Variants in ZNF804B observed in about 807,000 individuals in gnomAD.
ZNF804B encodes zinc finger 804B.
ZNF804B carries 80 observed loss-of-function variants against 101.4 expected under a neutral mutation model. The ratio of observed to expected loss-of-function variants is 0.79; its 90% CI spans 0.66 to 0.95. The LOEUF is 0.95. Among genes scored for constraint, ZNF804B ranks in the 40% least tolerant of loss-of-function variants. The probability of loss-of-function intolerance (pLI) is 0.00; values close to 1 mark genes in which losing one functional copy is unlikely to be tolerated. For synonymous variants in ZNF804B, 622 were observed against 558.8 expected (o/e 1.11, Z -1.59); for missense variants, 1,673 against 1,561.9 (o/e 1.07, Z -1.20).
intron 1 of ZNF804B, among the ~76,000 whole-genome samples, chr7:89,000,678 G>A (rs2116171114): frequency 6.6e-6 from 1 of 151,660 alleles, no homozygotes; most frequent in South Asian, 2.1e-4. Flanking sequence ...TCTACTGTCT[G>A]TTTCAATGAG....
chr7:88,923,266 A>G (rs1392054416), intron 1 of ZNF804B, among the ~76,000 whole-genome samples: 3 of 152,110 alleles, frequency 2.0e-5, no homozygotes, highest in East Asian at 1.9e-4. Context: ...GGTATCTGCC[A>G]TAGAACTCTC....
At chr7:88,954,046 C>T (rs974484374) in intron 1 of ZNF804B, among the ~76,000 whole-genome samples, 4 of 151,646 alleles carry the variant, frequency 2.6e-5, no homozygotes, top group African/African-American at 4.8e-5. Context: ...AATGTATGCC[C>T]CTCTTTCAGT....
intron 1 of ZNF804B, among the ~76,000 whole-genome samples, chr7:89,137,884 G>C (rs775891060): frequency 6.6e-6 from 1 of 152,016 alleles, no homozygotes; most frequent in Non-Finnish European, 1.5e-5. Context: ...ATGGTTTTAT[G>C]GGTCAGACCA....
intron 1 of ZNF804B, among the ~76,000 whole-genome samples, chr7:89,043,202 G>A (rs1789045609): frequency 6.6e-6 from 1 of 152,128 alleles, no homozygotes; most frequent in South Asian, 2.1e-4. Context: ...GGTGTCCTTT[G>A]AGGCATACTA....
chr7:89,125,787 T>C (rs1489653230), intron 1 of ZNF804B, among the ~76,000 whole-genome samples: 1 of 152,110 alleles, frequency 6.6e-6, no homozygotes, highest in African/African-American at 2.4e-5. Context: ...CTGCAAATTT[T>C]AGAGGTCCAT....
Position 89,315,424 on chromosome 7 carries a change from A to G in ZNF804B, c.250-11920A>G, listed in dbSNP as rs574760895. On this transcript the variant is annotated intron_variant, in intron 2 of 3. Coordinates refer to ENST00000333190, the MANE Select transcript of ZNF804B (RefSeq NM_181646.5). ...TGAAAAAGTTTATAAATGATTATCTATAAATTATACCTCTGCATTTGATTA... is the reference window on the plus strand; with the variant it reads ...TGAAAAAGTTTATAAATGATTATCTGTAAATTATACCTCTGCATTTGATTA... Among the ~76,000 whole-genome samples, 6 of 152,340 alleles carry G rather than the reference A, an allele frequency of 3.9e-5. No individual in the cohort carries two copies. In the South Asian group the frequency reaches 1.2e-3, roughly 32 times the overall value.
chr7:89,225,253 T>C (rs934376202), intron 2 of ZNF804B, among the ~76,000 whole-genome samples: 21 of 152,110 alleles, frequency 1.4e-4, no homozygotes, highest in Admixed American at 7.9e-4. Context: ...GAGCTGGTTG[T>C]TTAACTATTG....
chr7:89,032,553 G>T (rs1788854726), intron 1 of ZNF804B, among the ~76,000 whole-genome samples: 2 of 152,018 alleles, frequency 1.3e-5, no homozygotes, highest in Non-Finnish European at 2.9e-5. Flanking sequence ...ATTTCAATAA[G>T]GGTGTTTACA....
chr7:89,220,003 G>GTGTGCATACATGTATATGCA (rs1554380200), intron 2 of ZNF804B, among the ~76,000 whole-genome samples: 1 of 22,986 alleles, frequency 4.4e-5, no homozygotes, highest in Admixed American at 4.1e-4. Flanking sequence ...ATATGTATAT[G>GTGTGCATACATGTATATGCA]CACATATATG....
intron 3 of ZNF804B, among the ~76,000 whole-genome samples, chr7:89,332,969 A>G (rs11981277): frequency 2.0e-5 from 3 of 151,952 alleles, no homozygotes; most frequent in South Asian, 2.1e-4. Context: ...TTATATTTTT[A>G]AAGTGGCTTT....
intron 1 of ZNF804B, among the ~76,000 whole-genome samples, chr7:89,027,422 A>G (rs984681864): frequency 1.3e-5 from 2 of 152,306 alleles, no homozygotes; most frequent in Admixed American, 6.5e-5. Context: ...CAAAACAAAA[A>G]GATGCAGTTG....
intron 1 of ZNF804B, among the ~76,000 whole-genome samples, chr7:89,057,877 A>G (rs911930705): frequency 1.1e-4 from 16 of 152,132 alleles, no homozygotes; most frequent in African/African-American, 3.6e-4. Context: ...AATTTCAAAC[A>G]TTATGAAATG....
intron 1 of ZNF804B, among the ~76,000 whole-genome samples, chr7:88,858,872 G>A (rs1791609405): frequency 6.6e-6 from 1 of 151,876 alleles, no homozygotes; most frequent in Admixed American, 6.6e-5. Flanking sequence ...CTGACTTTTT[G>A]TTTTTCTGGT....
At chr7:89,061,045 G>A (rs963364101) in intron 1 of ZNF804B, among the ~76,000 whole-genome samples, 9 of 152,028 alleles carry the variant, frequency 5.9e-5, no homozygotes, top group Admixed American at 3.9e-4. Flanking sequence ...GTAGTAATAT[G>A]TATTTATACA....
intron 1 of ZNF804B, among the ~76,000 whole-genome samples, chr7:88,761,149 GC>G (rs1276950065): frequency 4.6e-5 from 7 of 151,846 alleles, no homozygotes; most frequent in African/African-American, 1.5e-4. Context: ...TATTATAAAA[GC>G]CTTTGATTAT....
chr7:89,237,085 A>C (rs564410381), intron 2 of ZNF804B, among the ~76,000 whole-genome samples: 8 of 152,150 alleles, frequency 5.3e-5, no homozygotes, highest in Non-Finnish European at 1.2e-4. Flanking sequence ...AATTACGATA[A>C]TAACACATAT....
intron 1 of ZNF804B, among the ~76,000 whole-genome samples, chr7:89,069,591 TTATGC>T (rs1217876042): frequency 4.6e-5 from 7 of 152,316 alleles, no homozygotes; most frequent in Admixed American, 1.3e-4. Flanking sequence ...ATTTTGAGTG[TTATGC>T]TATGATATCT....
intron 1 of ZNF804B, among the ~76,000 whole-genome samples, chr7:88,797,530 G>A (rs1790505026): frequency 6.6e-6 from 1 of 152,140 alleles, no homozygotes; most frequent in Admixed American, 6.6e-5. Context: ...TTCCAGTCAT[G>A]GATTAAACCA....
chr7:88,961,284 A>G (rs1366772717), intron 1 of ZNF804B, among the ~76,000 whole-genome samples: 1 of 151,336 alleles, frequency 6.6e-6, no homozygotes, highest in Non-Finnish European at 1.5e-5. Flanking sequence ...TTAGTGTCTT[A>G]TTATTTTAAA....
Sources: gnomAD v4.1 joint callset for allele counts (sites outside exome capture counted in the v4.1 genomes callset) on GRCh38, gnomAD v4.1.1 for gene constraint, MANE v1.5 for transcripts, NCBI Gene and HGNC (gene_info 2026-07-23, HGNC 2026-07-21) for gene names.